The following ZNF536 variants were observed in gnomAD, a reference collection of about 807,000 sequenced individuals.
The protein encoded by ZNF536 is zinc finger protein 536.
In ZNF536, 13 loss-of-function variants were observed where a neutral mutation model predicts 84.5. The observed-to-expected ratio is 0.15, with a 90% confidence interval of 0.10 to 0.24. The LOEUF (loss-of-function observed/expected upper bound fraction) is 0.24. ZNF536 is among the 10% of genes least tolerant of loss of function. ZNF536 has a pLI of 1.00. For synonymous variants in ZNF536, 811 were observed against 742.5 expected, an observed-to-expected ratio of 1.09 and a Z score of -1.50; for missense variants, 1,536 against 1,747.5, an observed-to-expected ratio of 0.88 and a Z score of 2.16.
chr19:30,462,180 G>A (rs1003454345), intron 2 of ZNF536, among the ~76,000 whole-genome samples: 4 of 152,146 alleles, frequency 2.6e-5, no homozygotes, highest in African/African-American at 7.2e-5. Context: ...GGGCTGGCAC[G>A]AGGCCCTGGC....
At chr19:30,682,938 C>T (rs1475899840) in intron 1 of ZNF536, among the ~76,000 whole-genome samples, 1 of 152,192 alleles carries the variant, frequency 6.6e-6, no homozygotes, top group Non-Finnish European at 1.5e-5. Context: ...TATTTTAGGA[C>T]CAATTTTCTT....
chr19:30,473,457 G>C (rs1016663146), intron 2 of ZNF536, among the ~76,000 whole-genome samples: 4 of 152,114 alleles, frequency 2.6e-5, no homozygotes, highest in Non-Finnish European at 4.4e-5. Flanking sequence ...ACCCCAGGAA[G>C]CTTTCTTGAG....
intron 1 of ZNF536, among the ~76,000 whole-genome samples, chr19:30,382,513 C>T (rs2147183083): frequency 6.6e-6 from 1 of 151,852 alleles, no homozygotes; most frequent in African/African-American, 2.4e-5. Context: ...TTTAGGGATA[C>T]AGTTAATTTT....
At chr19:30,481,397 A>G (rs2054082336) in intron 2 of ZNF536, among the ~76,000 whole-genome samples, 1 of 152,180 alleles carries the variant, frequency 6.6e-6, no homozygotes, top group Admixed American at 6.5e-5. Context: ...CTGGTTGCAC[A>G]GTCGGCATTA....
chr19:30,554,598 A>G (rs1053465055), intron 4 of ZNF536: 1 of 152,168 alleles, frequency 6.6e-6, no homozygotes, highest in Non-Finnish European at 1.5e-5. Flanking sequence ...AGCAACAGGC[A>G]GCAAATATTT....
rs527353887 is a variant in ZNF536, at chr19:30,681,706, G to A, written c.170-29051G>A. Among the ~76,000 whole-genome samples, 8 of 152,278 alleles carry A rather than the reference G, an allele frequency of 5.3e-5. No homozygotes were observed. In the South Asian group the frequency reaches 1.5e-3, roughly 28 times the overall value. ...CACGCTGCAGACTGGTTTACCAGGCGGGAGGCTGGTGCCGAGCAGCCTCAT... is the reference window on the plus strand; with the variant it reads ...CACGCTGCAGACTGGTTTACCAGGCAGGAGGCTGGTGCCGAGCAGCCTCAT... On this transcript the variant is annotated intron_variant, in intron 1 of 1. Transcript: ENST00000592773.
intron 1 of ZNF536, among the ~76,000 whole-genome samples, chr19:30,610,374 T>G (rs1253589150): frequency 6.6e-6 from 1 of 152,188 alleles, no homozygotes; most frequent in Non-Finnish European, 1.5e-5. Context: ...CATGGCAGGC[T>G]GGGCTGGCAC....
chr19:30,703,103 C>T (rs2052058641), intron 1 of ZNF536, among the ~76,000 whole-genome samples: 2 of 152,112 alleles, frequency 1.3e-5, no homozygotes. Flanking sequence ...GCATGGAGGC[C>T]TGGAGGATGA....
chr19:30,603,935 C>A (rs2047780850), intron 1 of ZNF536, among the ~76,000 whole-genome samples: 1 of 152,076 alleles, frequency 6.6e-6, no homozygotes, highest in Admixed American at 6.5e-5. Flanking sequence ...ACTAAAAATA[C>A]AAAAATTAGC....
chr19:30,299,473 C>T (rs1418116938), intron 2 of ZNF536, among the ~76,000 whole-genome samples: 1 of 152,078 alleles, frequency 6.6e-6, no homozygotes, highest in African/African-American at 2.4e-5. Flanking sequence ...AATAGGCTGC[C>T]TGTGAGGGTA....
intron 2 of ZNF536, among the ~76,000 whole-genome samples, chr19:30,327,084 C>A (rs554510036): frequency 6.6e-6 from 1 of 151,990 alleles, no homozygotes; most frequent in Non-Finnish European, 1.5e-5. Context: ...CACCACTGCA[C>A]TCCAGTCTGG....
chr19:30,492,284 C>T (rs1238006852), intron 2 of ZNF536, among the ~76,000 whole-genome samples: 2 of 152,120 alleles, frequency 1.3e-5, no homozygotes, highest in African/African-American at 4.8e-5. Context: ...TTATATGAGA[C>T]ATTGGATGCA....
chr19:30,238,668 A>C (rs1399441451), intron 1 of ZNF536, among the ~76,000 whole-genome samples: 1 of 151,462 alleles, frequency 6.6e-6, no homozygotes, highest in Non-Finnish European at 1.5e-5. Context: ...CTGTCTCTCT[A>C]TCTATCTGTC....
intron 2 of ZNF536, among the ~76,000 whole-genome samples, chr19:30,301,342 T>G (rs2046176333): frequency 6.6e-6 from 1 of 152,198 alleles, no homozygotes; most frequent in African/African-American, 2.4e-5. Flanking sequence ...CCTCAGTTAT[T>G]CTGTCTGCAA....
At chr19:30,294,285 C>T (rs2045931766) in intron 2 of ZNF536, among the ~76,000 whole-genome samples, 1 of 152,144 alleles carries the variant, frequency 6.6e-6, no homozygotes, top group Non-Finnish European at 1.5e-5. Flanking sequence ...TGAATTTTCC[C>T]TACCCCCAAG....
chr19:30,590,894 C>A lies in ZNF536; in HGVS notation c.169+41380C>A, dbSNP rs150005702. Among the ~76,000 whole-genome samples, 632 of 152,352 alleles carry A rather than the reference C, an allele frequency of 4.1e-3. 3 individuals are homozygous for A. The highest frequency in any genetic ancestry group is 0.014 in the African/African-American group (600 of 41,588). On this transcript the variant is annotated intron_variant, in intron 1 of 1. Coordinates refer to the ZNF536 transcript ENST00000592773. ...AGTCCTTGGGAAGGATGGTTGCTAA[C>A]CTTCCCAGGTGGCAAGAAACTGGCA...
intron 1 of ZNF536, among the ~76,000 whole-genome samples, chr19:30,253,881 A>AAT (rs2024762459): frequency 6.6e-6 from 1 of 152,200 alleles, no homozygotes; most frequent in Admixed American, 6.5e-5. Flanking sequence ...TCATCAGATT[A>AAT]GTGAGTCAGA....
chr19:30,438,731 C>T (rs139715514), intron 1 of ZNF536, among the ~76,000 whole-genome samples: 37 of 152,284 alleles, frequency 2.4e-4, no homozygotes, highest in African/African-American at 8.9e-4. Context: ...GGCTGAAGTG[C>T]AGTGGTACGG....
intron 1 of ZNF536, among the ~76,000 whole-genome samples, chr19:30,649,075 G>C (rs2049593882): frequency 6.6e-6 from 1 of 152,136 alleles, no homozygotes; most frequent in Non-Finnish European, 1.5e-5. Flanking sequence ...TCAACCCTGG[G>C]TCTTGAGCCA....
Sources: gnomAD v4.1 joint callset for allele counts (sites outside exome capture counted in the v4.1 genomes callset) on GRCh38, gnomAD v4.1.1 for gene constraint, MANE v1.5 for transcripts, NCBI Gene and HGNC (gene_info 2026-07-23, HGNC 2026-07-21) for gene names.